The following GRXCR1 variants were observed in gnomAD, a reference collection of about 807,000 sequenced individuals.
The protein encoded by GRXCR1 is glutaredoxin and cysteine rich domain containing 1, also known as glutaredoxin domain-containing cysteine-rich protein 1.
In GRXCR1, 27 loss-of-function variants were observed where a neutral mutation model predicts 27.3. The observed-to-expected ratio is 0.99, with a 90% CI of 0.73 to 1.37. The LOEUF is 1.37. GRXCR1 is among the 40% of genes most tolerant of loss of function. The pLI is 0.00. For missense variants in GRXCR1, 379 were observed against 354.4 expected, an observed-to-expected ratio of 1.07 and a Z score of -0.56; for synonymous variants, 122 against 131.1, an observed-to-expected ratio of 0.93 and a Z score of 0.47.
At chr4:43,006,163 G>A (rs1346491207) in intron 2 of GRXCR1, among the ~76,000 whole-genome samples, 4 of 151,962 alleles carry the variant, frequency 2.6e-5, no homozygotes, top group South Asian at 4.1e-4. Context: ...TCTTAATCTT[G>A]TCAGCTGAGG....
intron 3 of GRXCR1, among the ~76,000 whole-genome samples, chr4:43,021,988 G>A (rs1406305439): frequency 6.6e-6 from 1 of 152,038 alleles, no homozygotes; most frequent in Non-Finnish European, 1.5e-5. Context: ...CTATTAAATC[G>A]GGGTGTGTAC....
At position 42,932,206 on chromosome 4, in the gene GRXCR1, T is replaced by C. The variant is rs562033224; in HGVS notation, c.385-30686T>C. ...TCTCCTGTCTTATTGAAATTTTGTG[T>C]CTTTTGACCAACATCTCGCTGCCCT... On this transcript the variant is annotated intron_variant, in intron 1 of 3. Transcript: ENST00000399770. Among the ~76,000 whole-genome samples the C allele has an allele frequency of 6.6e-5, 10 of 151,918 alleles. No individual in the cohort carries two copies. In the East Asian group the frequency reaches 1.8e-3, roughly 27 times the overall value.
intron 3 of GRXCR1, among the ~76,000 whole-genome samples, chr4:43,028,141 T>G (rs1216202678): frequency 6.6e-6 from 1 of 152,094 alleles, no homozygotes; most frequent in East Asian, 1.9e-4. Context: ...TTGAAATAAT[T>G]TATACGGTTG....
intron 1 of GRXCR1, among the ~76,000 whole-genome samples, chr4:42,960,016 C>T (rs550381687): frequency 6.6e-6 from 1 of 152,058 alleles, no homozygotes; most frequent in South Asian, 2.1e-4. Context: ...CATTAGATGA[C>T]ATCCAACGTG....
chr4:42,935,216 C>T (rs1347370250), intron 1 of GRXCR1, among the ~76,000 whole-genome samples: 1 of 151,874 alleles, frequency 6.6e-6, no homozygotes, highest in Non-Finnish European at 1.5e-5. Flanking sequence ...TACACAGCTG[C>T]ATGCACTCAG....
chr4:42,945,888 T>C (rs1053799554), intron 1 of GRXCR1, among the ~76,000 whole-genome samples: 3 of 152,204 alleles, frequency 2.0e-5, no homozygotes, highest in African/African-American at 7.2e-5. Flanking sequence ...TTTAAAATAA[T>C]TAACTTAAAC....
At chr4:42,905,133 C>T (rs1404090966) in intron 1 of GRXCR1, among the ~76,000 whole-genome samples, 1 of 152,172 alleles carries the variant, frequency 6.6e-6, no homozygotes, top group Non-Finnish European at 1.5e-5. Context: ...TCTTGGAGAT[C>T]CTGTCTTGGC....
chr4:42,975,089 G>C (rs1455355277), intron 2 of GRXCR1, among the ~76,000 whole-genome samples: 1 of 152,096 alleles, frequency 6.6e-6, no homozygotes, highest in Non-Finnish European at 1.5e-5. Context: ...AGAGCCAAAA[G>C]ACATATAACC....
intron 1 of GRXCR1, among the ~76,000 whole-genome samples, chr4:42,926,726 C>T (rs1230272076): frequency 1.3e-5 from 2 of 151,922 alleles, no homozygotes; most frequent in African/African-American, 4.8e-5. Flanking sequence ...GGGATGATAG[C>T]TAAACTTGTG....
chr4:43,009,003 T>A (rs1000260162), intron 2 of GRXCR1, among the ~76,000 whole-genome samples: 4 of 152,244 alleles, frequency 2.6e-5, no homozygotes, highest in Admixed American at 2.6e-4. Flanking sequence ...TTTCCTGGCA[T>A]TGTCCTATCC....
At chr4:43,001,218 T>G (rs1351551097) in intron 2 of GRXCR1, among the ~76,000 whole-genome samples, 1 of 152,064 alleles carries the variant, frequency 6.6e-6, no homozygotes, top group Non-Finnish European at 1.5e-5. Context: ...TAGCTGTGTA[T>G]GCAGTAAAAT....
At chr4:42,975,640 G>A (rs10010155) in intron 2 of GRXCR1, among the ~76,000 whole-genome samples, 13,559 of 152,044 alleles carry the variant, frequency 0.089, 1,147 homozygotes, top group African/African-American at 0.22. Flanking sequence ...TCATATTTCC[G>A]TAGTCACACT....
At chr4:42,925,279 T>TG (rs904232493) in intron 1 of GRXCR1, among the ~76,000 whole-genome samples, 2 of 151,882 alleles carry the variant, frequency 1.3e-5, no homozygotes, top group Non-Finnish European at 2.9e-5. Flanking sequence ...AAGAATTGGT[T>TG]GGGGGGCATG....
intron 2 of GRXCR1, among the ~76,000 whole-genome samples, chr4:42,984,661 G>T (rs1231610297): frequency 6.6e-6 from 1 of 152,206 alleles, no homozygotes; most frequent in Non-Finnish European, 1.5e-5. Flanking sequence ...GGGGGCTGCT[G>T]GGACTGGCTT....
intron 1 of GRXCR1, among the ~76,000 whole-genome samples, chr4:42,895,157 CA>C (rs1476196861): frequency 6.6e-6 from 1 of 151,850 alleles, no homozygotes; most frequent in Non-Finnish European, 1.5e-5. Flanking sequence ...TTTAAACTCA[CA>C]AAAAAGAAAG....
chr4:42,894,290 T>G (rs890809056), intron 1 of GRXCR1, among the ~76,000 whole-genome samples: 1 of 152,146 alleles, frequency 6.6e-6, no homozygotes, highest in Non-Finnish European at 1.5e-5. Flanking sequence ...ATTTATTACT[T>G]TAAATGTGAT....
At chr4:43,029,429 A>C (rs1168188324) in intron 3 of GRXCR1, among the ~76,000 whole-genome samples, 2 of 152,168 alleles carry the variant, frequency 1.3e-5, no homozygotes, top group African/African-American at 4.8e-5. Flanking sequence ...CCTTTTTTGC[A>C]AGTCGGAAGC....
At chr4:42,992,257 C>A (rs12504198) in intron 2 of GRXCR1, among the ~76,000 whole-genome samples, 7,258 of 152,158 alleles carry the variant, frequency 0.048, 218 homozygotes, top group African/African-American at 0.08. Flanking sequence ...TGAAAAGCAG[C>A]AAATGTTTTT....
intron 2 of GRXCR1, among the ~76,000 whole-genome samples, chr4:43,010,004 A>T (rs193113457): frequency 6.6e-6 from 1 of 152,302 alleles, no homozygotes; most frequent in African/African-American, 2.4e-5. Flanking sequence ...TCTCTGCTTC[A>T]GGAGTGACTC....
Sources: allele counts gnomAD v4.1 joint callset (sites outside exome capture counted in the v4.1 genomes callset), GRCh38; gene constraint gnomAD v4.1.1; transcripts MANE v1.5; gene names NCBI Gene and HGNC (gene_info 2026-07-23, HGNC 2026-07-21).